Variants in GLP2R observed in about 807,000 individuals in gnomAD.
The protein encoded by GLP2R is glucagon-like peptide 2 receptor.
GLP2R carries 59 observed loss-of-function variants against 68.2 expected under a neutral mutation model. That is an observed-to-expected ratio of 0.87 (90% confidence interval 0.70 to 1.07). The LOEUF is 1.07. GLP2R is among the 50% of genes least tolerant of loss of function. The probability of loss-of-function intolerance (pLI) is 0.00; values close to 1 mark genes in which losing one functional copy is unlikely to be tolerated. For synonymous variants in GLP2R, 270 were observed against 265.4 expected, an observed-to-expected ratio of 1.02 and a Z score of -0.17; for missense variants, 548 against 677.4, an observed-to-expected ratio of 0.81 and a Z score of 2.12.
At chr17:9,854,415 G>T in intron 4 of GLP2R, 80 bp from the exon 5 acceptor site, 1 of 833,418 alleles carries the variant, frequency 1.2e-6, no homozygotes, top group Non-Finnish European at 2.1e-6. Flanking sequence ...TAGGCCCTTG[G>T]TGGCCCTGGG....
At position 9,848,894 on chromosome 17, in the gene GLP2R, T is replaced by TGTGTGC. The variant is rs934712218; in HGVS notation, c.505-5600_505-5599insTGTGCG. ...GTGTGTGTGTGTGTGTGTGTGTGTG[T>TGTGTGC]GCGCTCACATAAGCATTAACAAGTG... is the stretch of plus-strand genomic sequence containing the variant. On this transcript the variant is annotated intron_variant, in intron 4 of 12. Transcript: ENST00000262441. 8.7e-5 allele frequency among the ~76,000 whole-genome samples: 13 copies of TGTGTGC among 149,298 alleles called. 1 individual carries two copies. The highest frequency in any genetic ancestry group is 3.2e-4 in the African/African-American group (13 of 40,200).
chr17:9,833,017 C>T (rs2152029955), intron 1 of GLP2R, among the ~76,000 whole-genome samples: 1 of 152,190 alleles, frequency 6.6e-6, no homozygotes, highest in South Asian at 2.1e-4. Flanking sequence ...AATCCCAGCA[C>T]TTTGGGAAGC....
At chr17:9,859,845 A>G in intron 6 of GLP2R, 97 bp from the exon 7 acceptor site, 6 of 638,012 alleles carry the variant, frequency 9.4e-6, no homozygotes, top group East Asian at 7.8e-5. Flanking sequence ...AAAAAAAAAA[A>G]AGAGGGAGAG....
At chr17:9,865,087 T>C (rs899719695) in intron 9 of GLP2R, among the ~76,000 whole-genome samples, 1 of 152,090 alleles carries the variant, frequency 6.6e-6, no homozygotes, top group Non-Finnish European at 1.5e-5. Flanking sequence ...ATCTTCCCAT[T>C]CAGACCTCTC....
intron 10 of GLP2R, among the ~76,000 whole-genome samples, chr17:9,879,307 A>AAAT (rs2067171735): frequency 2.8e-5 from 3 of 108,216 alleles, no homozygotes; most frequent in Admixed American, 9.6e-5. Context: ...AAATAAAATA[A>AAAT]AATAAAATAA....
chr17:9,889,416 G>A lies in GLP2R; in HGVS notation c.1373G>A (p.Arg458His), dbSNP rs143908746. 600 of 1,613,890 alleles carry A rather than the reference G, an allele frequency of 3.7e-4. No homozygotes were observed. Among genetic ancestry groups the A allele is most frequent in the Non-Finnish European group, 4.7e-4 (556 of 1,179,874 alleles). The change falls in exon 13 of 13, where the codon CGC becomes CAC. Residue 458 changes from arginine to histidine, a missense_variant. Transcript: ENST00000262441. The stretch of plus-strand genomic sequence containing the variant: ...TACTGGGTCCGCTTCTTGCTAGCCC[G>A]CCACTCAGGCTGCAGAGCCTGTGTC... ...RKYWVRFLLA[R>H]HSGCRACVLG...
chr17:9,838,921 G>C (rs558583325), intron 3 of GLP2R, among the ~76,000 whole-genome samples: 1 of 152,358 alleles, frequency 6.6e-6, no homozygotes, highest in Non-Finnish European at 1.5e-5. Flanking sequence ...GCTGAGGCAG[G>C]AGAATGGCGT....
chr17:9,842,666 C>T (rs2066798977), intron 4 of GLP2R, 50 bp downstream of exon 4: 1 of 1,603,246 alleles, frequency 6.2e-7, no homozygotes, highest in Non-Finnish European at 8.5e-7. Flanking sequence ...AAACCACCCT[C>T]CTTCGGGACA....
In GLP2R at chr17:9,889,557, T is replaced by C; in HGVS notation, c.1514T>C (p.Leu505Pro). The C allele has an allele frequency of 1.5e-5, 24 of 1,614,134 alleles. No individual in the cohort carries two copies. The highest frequency in any genetic ancestry group is 2.0e-5 in the Non-Finnish European group (24 of 1,179,984). Residue 505 changes from leucine (L) to proline (P), a missense_variant, in exon 13 of 13, where the codon CTA becomes CCA. Physicochemically the swap from Leu to Pro is moderately conservative, Grantham distance 98 (BLOSUM62 -3). Coordinates refer to ENST00000262441, the MANE Select transcript of GLP2R (RefSeq NM_004246.3). ...CTTAACAGTGGGCGGCTCCTACATCTAGCCATGCGAGGTCTTGGGGAGCTG... is the reference window on the plus strand; with the variant it reads ...CTTAACAGTGGGCGGCTCCTACATCCAGCCATGCGAGGTCTTGGGGAGCTG... ...PSLNSGRLLH[L>P]AMRGLGELGA...
chr17:9,832,052 G>A (rs7217767), intron 1 of GLP2R, among the ~76,000 whole-genome samples: 30,085 of 152,076 alleles, frequency 0.2, 4,204 homozygotes, highest in African/African-American at 0.38. Context: ...GCTGTGTCTC[G>A]CTCATCTCTG....
chr17:9,853,515 GTTATA>G (rs1038744860), intron 4 of GLP2R, among the ~76,000 whole-genome samples: 1 of 152,192 alleles, frequency 6.6e-6, no homozygotes, highest in African/African-American at 2.4e-5. Context: ...GAGGTCAGGA[GTTATA>G]TTAAGAGAGA....
At chr17:9,871,618 T>G (rs2067093509) in intron 10 of GLP2R, among the ~76,000 whole-genome samples, 1 of 152,098 alleles carries the variant, frequency 6.6e-6, no homozygotes, top group Non-Finnish European at 1.5e-5. Context: ...GTCAGTCAGA[T>G]CATAGGTATT....
chr17:9,840,653 G>T (rs1240574714), intron 3 of GLP2R, among the ~76,000 whole-genome samples: 1 of 152,202 alleles, frequency 6.6e-6, no homozygotes, highest in Non-Finnish European at 1.5e-5. Flanking sequence ...TAAACAAGAT[G>T]GGGAAGGGAA....
rs186011878 is a variant in GLP2R at position 9,840,264 on chromosome 17, C to G, written c.383-2231C>G. 1.3e-4 allele frequency among the ~76,000 whole-genome samples: 20 copies of G among 152,320 alleles called. No homozygotes were observed. The South Asian group carries it at 3.7e-3, about 28-fold the overall frequency. ...TGCTGGGATTACAGGCGTGAGCCAC[C>G]GCACCCGGCCTCTGAGGCCTCTTCT... On this transcript the variant is annotated intron_variant, in intron 3 of 12. Transcript: ENST00000262441.
intron 4 of GLP2R, among the ~76,000 whole-genome samples, chr17:9,845,137 C>T (rs956841550): frequency 4.0e-5 from 6 of 151,696 alleles, no homozygotes; most frequent in African/African-American, 1.2e-4. Context: ...TGGCCCACCA[C>T]AGCCTCCACC....
At chr17:9,886,036 G>A (rs530121432) in intron 11 of GLP2R, among the ~76,000 whole-genome samples, 1 of 152,282 alleles carries the variant, frequency 6.6e-6, no homozygotes, top group African/African-American at 2.4e-5. Context: ...TCCCACCTTC[G>A]GAATACTCCT....
chr17:9,847,387 A>G (rs1341182093), intron 4 of GLP2R, among the ~76,000 whole-genome samples: 1 of 151,870 alleles, frequency 6.6e-6, no homozygotes, highest in African/African-American at 2.4e-5. Context: ...CTTCTGCCTC[A>G]GCCTCCAGAG....
chr17:9,841,759 CATAT>C (rs1400696325), intron 3 of GLP2R, among the ~76,000 whole-genome samples: 1 of 152,148 alleles, frequency 6.6e-6, no homozygotes, highest in Non-Finnish European at 1.5e-5. Context: ...TTGAATTCAG[CATAT>C]AGTTACTGTT....
chr17:9,857,160 T>C (rs553631572), intron 5 of GLP2R, among the ~76,000 whole-genome samples: 23 of 152,262 alleles, frequency 1.5e-4, no homozygotes, highest in South Asian at 8.3e-4. Context: ...GACGTCATGA[T>C]CCGCCTGTCT....
Sources: allele counts gnomAD v4.1 joint callset (sites outside exome capture counted in the v4.1 genomes callset), GRCh38; gene constraint gnomAD v4.1.1; transcripts MANE v1.5; gene names NCBI Gene and HGNC (gene_info 2026-07-23, HGNC 2026-07-21).